PREX1: variants seen among roughly 807,000 people sequenced by gnomAD.
The protein encoded by PREX1 is phosphatidylinositol-3,4,5-trisphosphate dependent Rac exchange factor 1.
Under a neutral mutation model 198.3 loss-of-function variants are expected in PREX1, and 41 were observed. The observed-to-expected ratio is 0.21, with a 90% CI of 0.16 to 0.27. The LOEUF is 0.27. Among genes scored for constraint, PREX1 ranks in the 10% least tolerant of loss-of-function variants. PREX1 has a pLI of 1.00. For missense variants in PREX1, 1,620 were observed against 2,200.7 expected (o/e 0.74, Z 5.28); for synonymous variants, 843 against 887.2 (o/e 0.95, Z 0.89).
At chr20:48,712,782 T>C (rs1230742834) in intron 5 of PREX1, among the ~76,000 whole-genome samples, 3 of 152,222 alleles carry the variant, frequency 2.0e-5, no homozygotes, top group Non-Finnish European at 4.4e-5. Flanking sequence ...GGCCCATTCC[T>C]GCCTCCAGGC....
chr20:48,645,760 G>A (rs2089445853), intron 26 of PREX1, 91 bp downstream of exon 26: 13 of 1,391,250 alleles, frequency 9.3e-6, no homozygotes, highest in Non-Finnish European at 1.1e-5. Context: ...CCTGAGAAGT[G>A]TCCACTGATT....
intron 5 of PREX1, among the ~76,000 whole-genome samples, chr20:48,713,338 G>A (rs1302397569): frequency 6.6e-6 from 1 of 151,886 alleles, no homozygotes; most frequent in Non-Finnish European, 1.5e-5. Context: ...TGTAATCTCA[G>A]CTACTTGGGA....
At chr20:48,752,576 T>C (rs1462392186) in intron 1 of PREX1, among the ~76,000 whole-genome samples, 4 of 152,282 alleles carry the variant, frequency 2.6e-5, no homozygotes. Flanking sequence ...CAGCAGGACC[T>C]GGCATGAAAA....
chr20:48,773,266 C>CAAAAAAAAA (rs55740822), intron 1 of PREX1, among the ~76,000 whole-genome samples: 1 of 65,914 alleles, frequency 1.5e-5, no homozygotes, highest in Non-Finnish European at 2.7e-5. Context: ...GACTTGGTCT[C>CAAAAAAAAA]AAAAAAAAAA....
chr20:48,668,966 G>A (rs2089657866), intron 14 of PREX1, among the ~76,000 whole-genome samples: 1 of 152,130 alleles, frequency 6.6e-6, no homozygotes, highest in Non-Finnish European at 1.5e-5. Context: ...AGCTCCTAAA[G>A]CTAGGCCAGC....
chr20:48,761,731 C>T (rs2090181368), intron 1 of PREX1, among the ~76,000 whole-genome samples: 1 of 152,166 alleles, frequency 6.6e-6, no homozygotes, highest in Non-Finnish European at 1.5e-5. Context: ...ACCCATCCTT[C>T]CTTCAACAGA....
At chr20:48,836,005 GGTGAAATAGA>G in the PREX1 span, among the ~76,000 whole-genome samples, 3 of 152,148 alleles carry the variant, frequency 2.0e-5, no homozygotes, top group South Asian at 2.1e-4. Flanking sequence ...AGGATCTAGG[GGTGAAATAGA>G]GTGAAATAGA....
chr20:48,777,417 A>G (rs1349892689), intron 1 of PREX1, among the ~76,000 whole-genome samples: 2 of 152,176 alleles, frequency 1.3e-5, no homozygotes, highest in Admixed American at 6.5e-5. Flanking sequence ...TTCAGAACTG[A>G]CCATTACGGT....
At chr20:48,697,675 C>A (rs1394645003) in intron 7 of PREX1, among the ~76,000 whole-genome samples, 4 of 152,150 alleles carry the variant, frequency 2.6e-5, no homozygotes, top group Admixed American at 2.0e-4. Flanking sequence ...TGAGCTACTG[C>A]GCCCGGCCCT....
At chr20:48,875,321 AG>A in the PREX1 span, among the ~76,000 whole-genome samples, 1 of 152,132 alleles carries the variant, frequency 6.6e-6, no homozygotes, top group Non-Finnish European at 1.5e-5. Flanking sequence ...GAAGCTGGAG[AG>A]GGCTGGGCAT....
chr20:48,718,660 T>C (rs77102994), intron 5 of PREX1, among the ~76,000 whole-genome samples: 1,824 of 152,254 alleles, frequency 0.012, 38 homozygotes, highest in African/African-American at 0.042. Flanking sequence ...AGTCTAAGGA[T>C]TCAGATAGGT....
At chr20:48,779,778 A>G (rs532746468) in intron 1 of PREX1, among the ~76,000 whole-genome samples, 22 of 152,336 alleles carry the variant, frequency 1.4e-4, no homozygotes, top group South Asian at 6.2e-4. Flanking sequence ...TTCCATTTAT[A>G]CGGAATGTGT....
At chr20:48,816,386 T>C (rs1040275470) in intron 1 of PREX1, among the ~76,000 whole-genome samples, 1 of 152,128 alleles carries the variant, frequency 6.6e-6, no homozygotes, top group African/African-American at 2.4e-5. Flanking sequence ...CCATTTCATG[T>C]AAGTGGGACT....
the PREX1 span, among the ~76,000 whole-genome samples, chr20:48,838,483 C>T: frequency 2.0e-5 from 3 of 152,076 alleles, no homozygotes; most frequent in Admixed American, 6.6e-5. Context: ...TTGAAAGAAC[C>T]TAAATTCTCA....
chr20:48,649,131 G>A (rs1568801496), intron 25 of PREX1, among the ~76,000 whole-genome samples, 169 bp downstream of exon 25: 1 of 152,128 alleles, frequency 6.6e-6, no homozygotes, highest in Non-Finnish European at 1.5e-5. Context: ...AGGTGAGGGG[G>A]TGCTACTGGC....
At chr20:48,834,275 C>T in the PREX1 span, among the ~76,000 whole-genome samples, 1 of 152,064 alleles carries the variant, frequency 6.6e-6, no homozygotes, top group Admixed American at 6.5e-5. Context: ...CAGAGATCGA[C>T]CTGGAGGAAA....
At chr20:48,775,772 T>C (rs1037771158) in intron 1 of PREX1, among the ~76,000 whole-genome samples, 5 of 152,172 alleles carry the variant, frequency 3.3e-5, no homozygotes, top group Non-Finnish European at 7.3e-5. Flanking sequence ...CCATGTAAAA[T>C]GTGACTTGCT....
chr20:48,868,456 T>C, the PREX1 span, among the ~76,000 whole-genome samples: 2 of 152,092 alleles, frequency 1.3e-5, no homozygotes, highest in Non-Finnish European at 2.9e-5. Context: ...CCAAAGTAGC[T>C]GGGATTACAG....
At chr20:48,720,600 T>TC (rs968067107) in intron 5 of PREX1, among the ~76,000 whole-genome samples, 1 of 151,564 alleles carries the variant, frequency 6.6e-6, no homozygotes, top group Admixed American at 6.6e-5. Context: ...CTTCTCCCCT[T>TC]CCCCCTCCAC....
Sources: allele counts gnomAD v4.1 joint callset (sites outside exome capture counted in the v4.1 genomes callset), GRCh38; gene constraint gnomAD v4.1.1; transcripts MANE v1.5; gene names NCBI Gene and HGNC (gene_info 2026-07-23, HGNC 2026-07-21).